Variants in VAV3 observed in about 807,000 individuals in gnomAD.
VAV3 encodes the protein guanine nucleotide exchange factor VAV3.
In VAV3, 94 loss-of-function variants were observed where a neutral mutation model predicts 131.2. The ratio of observed to expected loss-of-function variants is 0.72; its 90% confidence interval spans 0.61 to 0.85. VAV3 has a LOEUF of 0.85. Ranked by LOEUF, VAV3 falls within the 40% of genes least tolerant of loss-of-function variation. The pLI is 0.00. For missense variants in VAV3, 939 were observed against 1,002.7 expected (o/e 0.94, Z 0.86); for synonymous variants, 349 against 342.0 (o/e 1.02, Z -0.22).
chr1:107,915,929 C>A (rs1177497433), intron 1 of VAV3, among the ~76,000 whole-genome samples: 2 of 151,726 alleles, frequency 1.3e-5, no homozygotes, highest in Non-Finnish European at 2.9e-5. Context: ...CAAATAATAA[C>A]AACACTGGAA....
At chr1:107,632,132 TTAA>T (rs1654548837) in intron 20 of VAV3, among the ~76,000 whole-genome samples, 1 of 152,168 alleles carries the variant, frequency 6.6e-6, no homozygotes, top group African/African-American at 2.4e-5. Flanking sequence ...GTAGCTACGT[TTAA>T]TAATACCAAT....
intron 7 of VAV3, among the ~76,000 whole-genome samples, chr1:107,767,730 T>C (rs184161025): frequency 3.3e-5 from 5 of 152,288 alleles, no homozygotes; most frequent in Admixed American, 2.0e-4. Context: ...GGTGGGGATG[T>C]ATAAACCAAA....
intron 1 of VAV3, among the ~76,000 whole-genome samples, chr1:107,891,737 G>A (rs543204528): frequency 2.0e-5 from 3 of 151,140 alleles, no homozygotes; most frequent in Non-Finnish European, 2.9e-5. Context: ...TACTTGGGAG[G>A]TTGAGGCAGG....
intron 24 of VAV3, among the ~76,000 whole-genome samples, chr1:107,597,214 A>G (rs1651465192): frequency 9.2e-6 from 1 of 109,254 alleles, no homozygotes; most frequent in Admixed American, 9.0e-5. Context: ...GCGCCTTTTT[A>G]AAAATAAAAA....
At chr1:107,694,560 C>T (rs1404373649) in intron 17 of VAV3, among the ~76,000 whole-genome samples, 1 of 152,154 alleles carries the variant, frequency 6.6e-6, no homozygotes. Flanking sequence ...AATTTTCTAC[C>T]TTTCATTCAT....
Position 107,760,775 on chromosome 1 carries a change from G to A in VAV3, c.1017+9C>T, listed in dbSNP as rs1408582130. ...ATGGACAATAAATAAACTGTTTTAA[G>A]TTACATACCTGGAGGAGAAGGTGGT... On this transcript the variant is annotated intron_variant, in intron 10 of 26. Transcript: ENST00000370056. 6.2e-7 allele frequency: 1 copy of A among 1,600,124 alleles called. No individual in the cohort carries two copies. The highest frequency in any genetic ancestry group is 8.6e-7 in the Non-Finnish European group (1 of 1,168,262).
At chr1:107,810,378 T>C (rs1267590108) in intron 2 of VAV3, among the ~76,000 whole-genome samples, 1 of 152,204 alleles carries the variant, frequency 6.6e-6, no homozygotes, top group East Asian at 1.9e-4. Flanking sequence ...GTTTTCTTCT[T>C]GGAACCAGAA....
chr1:107,622,828 G>A (rs957639252), intron 20 of VAV3, among the ~76,000 whole-genome samples: 1 of 152,150 alleles, frequency 6.6e-6, no homozygotes, highest in Non-Finnish European at 1.5e-5. Context: ...TGTACAGCAT[G>A]GCCATGAATA....
intron 20 of VAV3, among the ~76,000 whole-genome samples, chr1:107,630,600 T>C (rs1295710901): frequency 6.6e-6 from 1 of 152,168 alleles, no homozygotes; most frequent in South Asian, 2.1e-4. Context: ...CAGAGCTAAG[T>C]GTGTAGACTC....
chr1:107,823,513 T>A (rs975652103), intron 2 of VAV3, among the ~76,000 whole-genome samples: 1 of 151,684 alleles, frequency 6.6e-6, no homozygotes, highest in African/African-American at 2.4e-5. Context: ...AAAAAAATAA[T>A]AAAGATTAGA....
intron 2 of VAV3, among the ~76,000 whole-genome samples, chr1:107,826,306 G>C (rs190989942): frequency 6.6e-6 from 1 of 152,284 alleles, no homozygotes; most frequent in East Asian, 1.9e-4. Flanking sequence ...TTTGAAACCT[G>C]TAAGATTGAA....
chr1:107,733,232 G>A (rs1283587957), intron 15 of VAV3, among the ~76,000 whole-genome samples: 1 of 152,096 alleles, frequency 6.6e-6, no homozygotes, highest in Non-Finnish European at 1.5e-5. Flanking sequence ...CCCATTTGTA[G>A]GTCACCATCA....
intron 15 of VAV3, among the ~76,000 whole-genome samples, chr1:107,710,238 T>C (rs1374622122): frequency 6.6e-6 from 1 of 152,194 alleles, no homozygotes; most frequent in Non-Finnish European, 1.5e-5. Flanking sequence ...TCATGCTCTA[T>C]CAGTATTAAC....
At chr1:107,629,490 T>G (rs1266874835) in intron 20 of VAV3, among the ~76,000 whole-genome samples, 1 of 152,244 alleles carries the variant, frequency 6.6e-6, no homozygotes, top group African/African-American at 2.4e-5. Context: ...TTGTCCTGCA[T>G]GTTGTTAGGC....
intron 19 of VAV3, among the ~76,000 whole-genome samples, chr1:107,649,753 C>T (rs1056874791): frequency 6.6e-6 from 1 of 152,080 alleles, no homozygotes; most frequent in Non-Finnish European, 1.5e-5. Context: ...CTTCTTTGTT[C>T]TATGGGTTCA....
intron 1 of VAV3, among the ~76,000 whole-genome samples, chr1:107,883,461 T>C (rs1460053367): frequency 1.3e-5 from 2 of 152,296 alleles, no homozygotes; most frequent in South Asian, 2.1e-4. Flanking sequence ...CTAGGAAAAA[T>C]TAAATGCAAC....
chr1:107,903,089 C>T (rs1212865293), intron 1 of VAV3, among the ~76,000 whole-genome samples: 1 of 151,172 alleles, frequency 6.6e-6, no homozygotes, highest in Non-Finnish European at 1.5e-5. Flanking sequence ...TCAGGTGACA[C>T]AAAAAGAAAA....
chr1:107,608,454 C>T (rs549204890), intron 22 of VAV3, among the ~76,000 whole-genome samples: 1 of 152,276 alleles, frequency 6.6e-6, no homozygotes, highest in Admixed American at 6.5e-5. Context: ...CAGCTCTAGA[C>T]CTCAAATTAA....
intron 25 of VAV3, among the ~76,000 whole-genome samples, chr1:107,587,077 A>G (rs749056683): frequency 3.7e-4 from 56 of 152,256 alleles, no homozygotes; most frequent in Non-Finnish European, 7.1e-4. Context: ...AGATACAAGA[A>G]GAGTTTCTCT....
Sources: gnomAD v4.1 joint callset for allele counts (sites outside exome capture counted in the v4.1 genomes callset) on GRCh38, gnomAD v4.1.1 for gene constraint, MANE v1.5 for transcripts, NCBI Gene and HGNC (gene_info 2026-07-23, HGNC 2026-07-21) for gene names.